SDK1: variants seen among roughly 807,000 people sequenced by gnomAD.
SDK1 encodes the protein protein sidekick-1.
SDK1 carries 157 observed loss-of-function variants against 245.5 expected under a neutral mutation model. That is an observed-to-expected ratio of 0.64 (90% CI 0.56 to 0.73). The LOEUF is 0.73. SDK1 is among the 30% of genes least tolerant of loss of function. SDK1 has a pLI of 0.00. For missense variants in SDK1, 3,583 were observed against 3,002.3 expected, an observed-to-expected ratio of 1.19 and a Z score of -4.52; for synonymous variants, 1,647 against 1,278.5, an observed-to-expected ratio of 1.29 and a Z score of -6.15.
At chr7:3,579,969 A>G (rs1293128625) in intron 1 of SDK1, among the ~76,000 whole-genome samples, 2 of 152,228 alleles carry the variant, frequency 1.3e-5, no homozygotes, top group Admixed American at 6.5e-5. Context: ...TCGGTGTATG[A>G]AAATCATTAG....
At chr7:4,215,998 C>T (rs1478323888) in intron 38 of SDK1, among the ~76,000 whole-genome samples, 2 of 152,146 alleles carry the variant, frequency 1.3e-5, no homozygotes, top group Admixed American at 1.3e-4. Context: ...CATCCCCGTT[C>T]CTGCATTCTC....
At position 4,267,541 on chromosome 7, in the gene SDK1, T is replaced by G. The variant is rs993556165; in HGVS notation, c.*2157T>G. On this transcript the variant is annotated 3_prime_UTR_variant, in exon 45 of 45. Coordinates refer to ENST00000404826, the MANE Select transcript of SDK1 (RefSeq NM_152744.4). Reference sequence around the variant, plus strand: ...GGGCGGGAAGCCAGGATGTGAGCACTGGAATTTCTTGGAAGAGAAGCGATA... The same window carrying G: ...GGGCGGGAAGCCAGGATGTGAGCACGGGAATTTCTTGGAAGAGAAGCGATA... 1.0e-5 allele frequency: 10 copies of G among 985,458 alleles called. No homozygotes were observed. Among genetic ancestry groups the G allele is most frequent in the Non-Finnish European group, 1.2e-5 (10 of 829,954 alleles). 61.0% of individuals were successfully genotyped at this position (985,458 alleles called of 1,614,324 possible). A position where few individuals can be genotyped will look rare whatever the true frequency, so the allele number is the denominator to read the frequency against.
chr7:3,787,405 G>C (rs1229725095), intron 4 of SDK1, among the ~76,000 whole-genome samples: 10 of 152,148 alleles, frequency 6.6e-5, no homozygotes, highest in Non-Finnish European at 1.5e-4. Flanking sequence ...ACATGATGCA[G>C]CTGATCACAC....
intron 4 of SDK1, among the ~76,000 whole-genome samples, chr7:3,658,620 T>C (rs1376874429): frequency 6.8e-6 from 1 of 147,306 alleles, no homozygotes; most frequent in Non-Finnish European, 1.5e-5. Flanking sequence ...TTTTTTTTTT[T>C]TTTTTTTTTG....
chr7:3,496,612 A>T (rs573311491), intron 1 of SDK1, among the ~76,000 whole-genome samples: 2 of 152,332 alleles, frequency 1.3e-5, no homozygotes, highest in Non-Finnish European at 2.9e-5. Flanking sequence ...TTAAAACAGG[A>T]TTCAGGTCAA....
At chr7:4,146,861 G>A (rs944493657) in intron 29 of SDK1, among the ~76,000 whole-genome samples, 1 of 152,224 alleles carries the variant, frequency 6.6e-6, no homozygotes, top group Non-Finnish European at 1.5e-5. Flanking sequence ...ATGAGACAGA[G>A]GAAACTGAGA....
intron 1 of SDK1, among the ~76,000 whole-genome samples, chr7:3,542,697 T>A (rs932612333): frequency 6.6e-6 from 1 of 152,250 alleles, no homozygotes; most frequent in Admixed American, 6.5e-5. Context: ...AGTACTATTG[T>A]CTCTCTTTAA....
At chr7:3,800,056 G>A (rs73032392) in intron 4 of SDK1, among the ~76,000 whole-genome samples, 2,428 of 152,234 alleles carry the variant, frequency 0.016, 30 homozygotes, top group Non-Finnish European at 0.026. Context: ...TAAAACAGAT[G>A]TTTTTGGTGA....
At chr7:3,552,611 A>G (rs1779453596) in intron 1 of SDK1, among the ~76,000 whole-genome samples, 1 of 152,148 alleles carries the variant, frequency 6.6e-6, no homozygotes, top group East Asian at 1.9e-4. Flanking sequence ...TGTTGATTTG[A>G]TTCTGAGCAA....
At chr7:3,746,097 G>A (rs1452928296) in intron 4 of SDK1, among the ~76,000 whole-genome samples, 3 of 152,066 alleles carry the variant, frequency 2.0e-5, no homozygotes. Context: ...AGATATTGTG[G>A]GTTTGCTCCA....
intron 4 of SDK1, among the ~76,000 whole-genome samples, chr7:3,702,761 G>T (rs1784774731): frequency 6.6e-6 from 1 of 152,096 alleles, no homozygotes; most frequent in Non-Finnish European, 1.5e-5. Context: ...TTAGAAAGAT[G>T]GTTCAAGTTC....
chr7:4,178,868 G>A (rs1782421710), intron 35 of SDK1, among the ~76,000 whole-genome samples: 1 of 152,354 alleles, frequency 6.6e-6, no homozygotes, highest in African/African-American at 2.4e-5. Context: ...TTTGCTCTAC[G>A]AAAGTGGTAT....
At chr7:3,761,170 G>T (rs538247507) in intron 4 of SDK1, among the ~76,000 whole-genome samples, 1 of 151,004 alleles carries the variant, frequency 6.6e-6, no homozygotes, top group African/African-American at 2.4e-5. Flanking sequence ...CGTGTGGATT[G>T]CCAAGTTGCA....
chr7:3,573,986 T>C (rs1243676771), intron 1 of SDK1, among the ~76,000 whole-genome samples: 1 of 152,170 alleles, frequency 6.6e-6, no homozygotes, highest in Non-Finnish European at 1.5e-5. Context: ...ATTTTACATA[T>C]CATTCTTTGT....
At chr7:3,917,522 G>C (rs1779427376) in intron 5 of SDK1, among the ~76,000 whole-genome samples, 1 of 152,152 alleles carries the variant, frequency 6.6e-6, no homozygotes, top group Admixed American at 6.5e-5. Context: ...TTGTCCTTCA[G>C]GGGCCAGCAG....
intron 1 of SDK1, among the ~76,000 whole-genome samples, chr7:3,454,773 G>A (rs775361874): frequency 6.6e-6 from 1 of 152,168 alleles, no homozygotes; most frequent in Non-Finnish European, 1.5e-5. Context: ...GTTACTTTCA[G>A]TTGTTGAGCT....
intron 1 of SDK1, among the ~76,000 whole-genome samples, chr7:3,537,350 G>A (rs900784166): frequency 1.3e-5 from 2 of 152,182 alleles, no homozygotes; most frequent in Non-Finnish European, 2.9e-5. Context: ...ACACAGCTGG[G>A]AAGTGCTAGA....
At chr7:3,660,310 G>A (rs1003500215) in intron 4 of SDK1, among the ~76,000 whole-genome samples, 1 of 152,104 alleles carries the variant, frequency 6.6e-6, no homozygotes, top group East Asian at 1.9e-4. Flanking sequence ...GGACCACCAA[G>A]AAGAGAGCTT....
intron 32 of SDK1, among the ~76,000 whole-genome samples, chr7:4,169,642 G>A (rs1781716563): frequency 6.6e-6 from 1 of 152,202 alleles, no homozygotes; most frequent in Admixed American, 6.5e-5. Context: ...CAATGAGACG[G>A]CAAGGCTGGA....
Sources: allele counts gnomAD v4.1 joint callset (sites outside exome capture counted in the v4.1 genomes callset), GRCh38; gene constraint gnomAD v4.1.1; transcripts MANE v1.5; gene names NCBI Gene and HGNC (gene_info 2026-07-23, HGNC 2026-07-21).